The following DCDC2 variants were observed in gnomAD, a reference collection of about 807,000 sequenced individuals.
The protein encoded by DCDC2 is doublecortin domain containing 2, also known as doublecortin domain-containing protein 2.
In DCDC2, 40 loss-of-function variants were observed where a neutral mutation model predicts 50.2. The ratio of observed to expected loss-of-function variants is 0.80; its 90% CI spans 0.62 to 1.04. DCDC2 has a LOEUF of 1.04. Among genes scored for constraint, DCDC2 ranks in the 50% least tolerant of loss-of-function variants. The pLI, the probability that DCDC2 is intolerant of heterozygous loss-of-function variation, is 0.00. For synonymous variants in DCDC2, 234 were observed against 210.6 expected (o/e 1.11, Z -0.96); for missense variants, 570 against 581.9 (o/e 0.98, Z 0.21).
chr6:24,271,930 C>T (rs1049791349), intron 7 of DCDC2, among the ~76,000 whole-genome samples: 3 of 152,058 alleles, frequency 2.0e-5, no homozygotes, highest in East Asian at 1.9e-4. Flanking sequence ...AAACAAAAAG[C>T]GTCTTCAAAC....
intron 7 of DCDC2, among the ~76,000 whole-genome samples, chr6:24,271,119 G>T (rs372478849): frequency 1.6e-3 from 230 of 142,906 alleles, no homozygotes; most frequent in African/African-American, 5.6e-3. Flanking sequence ...TACGTGGGAG[G>T]ATCACTTGAG....
the DCDC2 span, among the ~76,000 whole-genome samples, chr6:24,373,318 G>GA: frequency 1.3e-5 from 2 of 152,070 alleles, no homozygotes; most frequent in Admixed American, 6.5e-5. Context: ...CACATAAATG[G>GA]AAAAAAACAA....
intron 7 of DCDC2, among the ~76,000 whole-genome samples, chr6:24,265,583 A>AT (rs1763101386): frequency 1.3e-5 from 2 of 152,222 alleles, no homozygotes; most frequent in Admixed American, 6.5e-5. Context: ...ACACAATGAA[A>AT]TAAAACTAGA....
chr6:24,313,520 A>G (rs867715070), intron 2 of DCDC2, among the ~76,000 whole-genome samples: 41 of 152,228 alleles, frequency 2.7e-4, no homozygotes, highest in African/African-American at 9.9e-4. Flanking sequence ...GTTATCAAAC[A>G]TATCTAGGCA....
chr6:24,181,798 C>T (rs1449235504), intron 8 of DCDC2, among the ~76,000 whole-genome samples: 7 of 152,102 alleles, frequency 4.6e-5, no homozygotes, highest in African/African-American at 9.7e-5. Flanking sequence ...TTGTTTTTTA[C>T]GGAAATAGAA....
intron 2 of DCDC2, among the ~76,000 whole-genome samples, chr6:24,347,023 A>G (rs1016632474): frequency 2.6e-5 from 4 of 152,218 alleles, no homozygotes; most frequent in African/African-American, 9.6e-5. Context: ...TATCCTGATC[A>G]TAAGAGAGGG....
intron 2 of DCDC2, among the ~76,000 whole-genome samples, chr6:24,338,126 GAAT>G (rs1356465963): frequency 2.0e-5 from 3 of 152,212 alleles, no homozygotes; most frequent in South Asian, 4.2e-4. Flanking sequence ...TGTAAAATCA[GAAT>G]AATAACAATC....
At chr6:24,285,737 T>C (rs1047318820) in intron 6 of DCDC2, among the ~76,000 whole-genome samples, 2 of 152,192 alleles carry the variant, frequency 1.3e-5, no homozygotes, top group Non-Finnish European at 2.9e-5. Flanking sequence ...TTAATTAAAA[T>C]TTTAGTTTTT....
chr6:24,227,124 C>G (rs974431863), intron 7 of DCDC2, among the ~76,000 whole-genome samples: 6 of 152,110 alleles, frequency 3.9e-5, no homozygotes, highest in African/African-American at 1.4e-4. Flanking sequence ...ATGACAAAAA[C>G]TAAAGGAAGG....
At chr6:24,273,118 T>A (rs1763277141) in intron 7 of DCDC2, among the ~76,000 whole-genome samples, 1 of 151,962 alleles carries the variant, frequency 6.6e-6, no homozygotes, top group Non-Finnish European at 1.5e-5. Flanking sequence ...AAAAATGAAA[T>A]CATGTCTTTT....
At chr6:24,236,057 T>A (rs1229753000) in intron 7 of DCDC2, among the ~76,000 whole-genome samples, 1 of 152,086 alleles carries the variant, frequency 6.6e-6, no homozygotes, top group Non-Finnish European at 1.5e-5. Flanking sequence ...CATTTCTGTC[T>A]GACATCATTT....
rs555031911 is a variant in DCDC2 at position 24,292,412 on chromosome 6, A to G, written c.558-1334T>C. ...ATAAATGGCCATATCATACAGAACCATGAAATACAATGAAAATAGCCACCA... is the reference window on the plus strand; with the variant it reads ...ATAAATGGCCATATCATACAGAACCGTGAAATACAATGAAAATAGCCACCA... On this transcript the variant is annotated intron_variant, in intron 4 of 9. Coordinates refer to ENST00000378454, the MANE Select transcript of DCDC2 (RefSeq NM_016356.5). Among the ~76,000 whole-genome samples the G allele has an allele frequency of 7.2e-5, 11 of 152,182 alleles. No homozygotes were observed. The East Asian group carries it at 2.1e-3, about 29-fold the overall frequency.
intron 2 of DCDC2, among the ~76,000 whole-genome samples, chr6:24,348,340 A>G (rs772921470): frequency 3.9e-5 from 6 of 152,222 alleles, no homozygotes; most frequent in East Asian, 1.9e-4. Flanking sequence ...AGTTTATCCA[A>G]TAAAGATCTC....
At chr6:24,175,201 A>G (rs1760875958) in intron 9 of DCDC2, among the ~76,000 whole-genome samples, 2 of 152,206 alleles carry the variant, frequency 1.3e-5, no homozygotes, top group South Asian at 2.1e-4. Context: ...ATTCAGGGAC[A>G]TTCTCCTAAT....
chr6:24,382,001 A>C, the DCDC2 span, among the ~76,000 whole-genome samples: 65 of 113,140 alleles, frequency 5.7e-4, 1 homozygote, highest in East Asian at 9.2e-3. Context: ...GGAAGGAAGG[A>C]AGGAAGGAAG....
intron 2 of DCDC2, among the ~76,000 whole-genome samples, chr6:24,349,549 A>C (rs1760326440): frequency 6.6e-6 from 1 of 152,200 alleles, no homozygotes; most frequent in Non-Finnish European, 1.5e-5. Flanking sequence ...GGACTCCCAC[A>C]GGCTGCTTAA....
intron 7 of DCDC2, among the ~76,000 whole-genome samples, chr6:24,232,004 TACACAC>T (rs57865332): frequency 1.3e-5 from 2 of 148,404 alleles, no homozygotes; most frequent in South Asian, 4.3e-4. Flanking sequence ...CATATATATA[TACACAC>T]ACACACACAC....
the DCDC2 span, among the ~76,000 whole-genome samples, chr6:24,376,090 A>AT: frequency 4.6e-5 from 7 of 152,206 alleles, no homozygotes; most frequent in Non-Finnish European, 1.0e-4. Flanking sequence ...GAGAAGTAAA[A>AT]TTGGTCCCAG....
intron 8 of DCDC2, among the ~76,000 whole-genome samples, chr6:24,196,670 C>T (rs1214157123): frequency 6.6e-6 from 1 of 152,172 alleles, no homozygotes; most frequent in African/African-American, 2.4e-5. Context: ...GTGATCCAGA[C>T]CACCTCAGCC....
Sources: gnomAD v4.1 joint callset for allele counts (sites outside exome capture counted in the v4.1 genomes callset) on GRCh38, gnomAD v4.1.1 for gene constraint, MANE v1.5 for transcripts, NCBI Gene and HGNC (gene_info 2026-07-23, HGNC 2026-07-21) for gene names.